The following CARS1 variants were observed in gnomAD, a reference collection of about 807,000 sequenced individuals.
CARS1 encodes the protein cysteinyl-tRNA synthetase 1.
In CARS1, 48 loss-of-function variants were observed where a neutral mutation model predicts 106.2. The ratio of observed to expected loss-of-function variants is 0.45; its 90% CI spans 0.36 to 0.57. CARS1 has a LOEUF of 0.57. Among genes scored for constraint, CARS1 ranks in the 20% least tolerant of loss-of-function variants. The pLI is 0.00. For missense variants in CARS1, 968 were observed against 1,057.2 expected, an observed-to-expected ratio of 0.92 and a Z score of 1.17; for synonymous variants, 409 against 403.4, an observed-to-expected ratio of 1.01 and a Z score of -0.17.
Position 3,022,983 on chromosome 11 carries a change from GT to G in CARS1, c.1154-2652del, listed in dbSNP as rs1851716512. Among the ~76,000 whole-genome samples, 2 of 152,216 alleles carry G rather than the reference GT, an allele frequency of 1.3e-5. No individual in the cohort carries two copies. Among genetic ancestry groups the G allele is most frequent in the African/African-American group, 4.8e-5 (2 of 41,450 alleles). ...ATGTGCCCACGTCTGATCACTGACT[GT>G]GGAGGGGTGGAAATCCATGTCCCTC... On this transcript the variant is annotated intron_variant, in intron 10 of 22. Transcript: ENST00000380525. This position sits in a 1 kb window ranked among gnomAD's most constrained non-coding sequence, Gnocchi z 4.9.
In CARS1 at chr11:3,004,943, T is replaced by TA. The variant is rs1211012055; in HGVS notation, c.2217+422dup. Reference sequence around the variant, plus strand: ...CAACATGGTGAAACCCCATCTCTACTAAAAAAATACAAAAATTAGCTGGGC... The same window carrying TA: ...CAACATGGTGAAACCCCATCTCTACTAAAAAAAATACAAAAATTAGCTGGGC... On this transcript the variant is annotated intron_variant, in intron 20 of 22. Coordinates refer to ENST00000380525, the MANE Select transcript of CARS1 (RefSeq NM_001014437.3). This position sits in a 1 kb window ranked among gnomAD's most constrained non-coding sequence, Gnocchi z 5.2. Among the ~76,000 whole-genome samples, 2 of 151,716 alleles carry TA rather than the reference T, an allele frequency of 1.3e-5. No individual in the cohort carries two copies. The highest frequency in any genetic ancestry group is 2.9e-5 in the Non-Finnish European group (2 of 67,894).
Position 3,029,714 on chromosome 11 carries a change from C to A in CARS1, c.802-271G>T. 1 of 480,348 alleles carries A rather than the reference C, an allele frequency of 2.1e-6. No homozygotes were observed. Among genetic ancestry groups the A allele is most frequent in the South Asian group, 3.4e-5 (1 of 29,578 alleles). The allele number at this position is 480,348 out of a possible 1,614,324, so 29.8% of individuals were successfully genotyped here. ...GCAGAGGCAAAAAGAGGTGGGAGGG[C>A]CGAGGTGGGCCTGGTGAGCATGTGC... On this transcript the variant is annotated intron_variant, in intron 7 of 22. Transcript: ENST00000380525. This position sits in a 1 kb window ranked among gnomAD's most constrained non-coding sequence, Gnocchi z 5.9.
At chr11:3,023,750 A>G (rs1276101340) in intron 10 of CARS1, among the ~76,000 whole-genome samples, 1 of 152,010 alleles carries the variant, frequency 6.6e-6, no homozygotes, top group African/African-American at 2.4e-5. Flanking sequence ...GTTCTTCTAT[A>G]TTATTTTTTG....
rs572854995 is a variant in CARS1, at chr11:3,016,896, G to A, written c.1917+210C>T. Among the ~76,000 whole-genome samples, 14 of 152,330 alleles carry A rather than the reference G, an allele frequency of 9.2e-5. No individual in the cohort carries two copies. In the East Asian group the frequency reaches 2.5e-3, roughly 27 times the overall value. ...CCACAGTGTTGGATTATAGATGTGA[G>A]CCACTGTGCTCCGCTTATGGGTGTT... is the stretch of plus-strand genomic sequence containing the variant. On this transcript the variant is annotated intron_variant, in intron 16 of 22. Transcript: ENST00000380525.
At position 3,034,387 on chromosome 11, in the gene CARS1, A is replaced by G. The variant is rs1270409458; in HGVS notation, c.801+3663T>C. Among the ~76,000 whole-genome samples the G allele has an allele frequency of 1.3e-5, 2 of 151,626 alleles. No homozygotes were observed. Among genetic ancestry groups the G allele is most frequent in the Non-Finnish European group, 2.9e-5 (2 of 67,954 alleles). On this transcript the variant is annotated intron_variant, in intron 7 of 22. Coordinates refer to ENST00000380525, the MANE Select transcript of CARS1 (RefSeq NM_001014437.3). This position sits in a 1 kb window ranked among gnomAD's most constrained non-coding sequence, Gnocchi z 6.3. ...AGACGCGCGCCACCACATTTGGCTA[A>G]TTTTTGTATTTTTAGTAGCAACGGG...
Position 3,028,539 on chromosome 11 carries a change from G to A in CARS1, c.1031+457C>T, listed in dbSNP as rs1255593192. ...CTTACTTTGGAGATTGAGACAATAC[G>A]GGCCAGGGAAGTGTATGATGGATTT... is the stretch of plus-strand genomic sequence containing the variant. On this transcript the variant is annotated intron_variant, in intron 9 of 22. Transcript: ENST00000380525. This position sits in a 1 kb window ranked among gnomAD's most constrained non-coding sequence, Gnocchi z 4.4. The A allele has an allele frequency of 4.3e-6, 1 of 232,428 alleles. No individual in the cohort carries two copies. The highest frequency in any genetic ancestry group is 8.2e-6 in the Non-Finnish European group (1 of 121,584). 14.4% of individuals were successfully genotyped at this position (232,428 alleles called of 1,614,324 possible). A position where few individuals can be genotyped will look rare whatever the true frequency, so the allele number is the denominator to read the frequency against.
In CARS1 at chr11:3,034,195, C is replaced by T. The variant is rs893182219; in HGVS notation, c.801+3855G>A. Among the ~76,000 whole-genome samples, 1 of 147,306 alleles carries T rather than the reference C, an allele frequency of 6.8e-6. No individual in the cohort carries two copies. Among genetic ancestry groups the T allele is most frequent in the Non-Finnish European group, 1.5e-5 (1 of 66,176 alleles). On this transcript the variant is annotated intron_variant, in intron 7 of 22. Transcript: ENST00000380525. This position sits in a 1 kb window ranked among gnomAD's most constrained non-coding sequence, Gnocchi z 6.3. Reference sequence around the variant, plus strand: ...TTTTCTGTTTTTTTGTTTGTTTGTTCTTTTTTTTGTTTTCTGTTTTTTGTT... The same window carrying T: ...TTTTCTGTTTTTTTGTTTGTTTGTTTTTTTTTTTGTTTTCTGTTTTTTGTT...
intron 1 of CARS1, among the ~76,000 whole-genome samples, chr11:3,055,339 G>T (rs1335769689): frequency 6.6e-6 from 1 of 152,072 alleles, no homozygotes; most frequent in Admixed American, 6.6e-5. Context: ...ATTTTTAGTA[G>T]AGACAGGGTT....
chr11:3,046,913 C>T lies in CARS1; in HGVS notation c.274+840G>A, dbSNP rs1855145222. The stretch of plus-strand genomic sequence containing the variant: ...AGGCACGTTCCACAGACACAACCAG[C>T]ACCAACAGGCTGGAGCTACGGGACA... On this transcript the variant is annotated intron_variant, in intron 2 of 22. Transcript: ENST00000380525. This position sits in a 1 kb window ranked among gnomAD's most constrained non-coding sequence, Gnocchi z 5.8. 6.6e-6 allele frequency among the ~76,000 whole-genome samples: 1 copy of T among 152,174 alleles called. No individual in the cohort carries two copies. The highest frequency in any genetic ancestry group is 2.1e-4 in the South Asian group (1 of 4,830).
At position 3,053,513 on chromosome 11, in the gene CARS1, G is replaced by A. The variant is rs151019231; in HGVS notation, c.25+3830C>T. Reference sequence around the variant, plus strand: ...CCCAAAGTGCTGGGATTACAGACGTGAGCCACCATGCCTGGCCTCCTGTAA... The same window carrying A: ...CCCAAAGTGCTGGGATTACAGACGTAAGCCACCATGCCTGGCCTCCTGTAA... On this transcript the variant is annotated intron_variant, in intron 1 of 22. Transcript: ENST00000380525. This position sits in a 1 kb window ranked among gnomAD's most constrained non-coding sequence, Gnocchi z 6.6. Among the ~76,000 whole-genome samples the A allele has an allele frequency of 8.1e-3, 1,237 of 152,222 alleles. 11 individuals carry two copies. The highest frequency in any genetic ancestry group is 0.025 in the African/African-American group (1,055 of 41,546).
chr11:3,036,855 CAG>C (rs1853704433), intron 7 of CARS1, among the ~76,000 whole-genome samples: 1 of 152,144 alleles, frequency 6.6e-6, no homozygotes, highest in Admixed American at 6.5e-5. Flanking sequence ...AGGAAGGAAG[CAG>C]AGTCTGACAT....
At chr11:3,012,745 C>T (rs531627454) in intron 17 of CARS1, among the ~76,000 whole-genome samples, 1 of 152,340 alleles carries the variant, frequency 6.6e-6, no homozygotes, top group South Asian at 2.1e-4. Context: ...TGTGGTCACA[C>T]ATACACTTGT....
chr11:3,014,439 C>T (rs1850790039), intron 17 of CARS1, among the ~76,000 whole-genome samples: 1 of 152,240 alleles, frequency 6.6e-6, no homozygotes. Context: ...AATCAGCTGA[C>T]TGCAAAGGCC....
chr11:3,009,951 C>T lies in CARS1; in HGVS notation c.2068+2244G>A, dbSNP rs147377029. On this transcript the variant is annotated intron_variant, in intron 18 of 22. Transcript: ENST00000380525. ...CACCAGAGCCACCTCTAACACGCTGCCCCGTCGGAAGGTCTGAGGCCCCTG... is the reference window on the plus strand; with the variant it reads ...CACCAGAGCCACCTCTAACACGCTGTCCCGTCGGAAGGTCTGAGGCCCCTG... Among the ~76,000 whole-genome samples the T allele has an allele frequency of 1.8e-3, 272 of 152,310 alleles. 2 individuals are homozygous for T. Among genetic ancestry groups the T allele is most frequent in the African/African-American group, 6.2e-3 (259 of 41,570 alleles).
In CARS1 at chr11:3,046,138, T is replaced by C. The variant is rs1855051097; in HGVS notation, c.274+1615A>G. On this transcript the variant is annotated intron_variant, in intron 2 of 22. Transcript: ENST00000380525. The surrounding 1 kb of genome is among the most constrained non-coding windows in gnomAD (Gnocchi z 5.8). ...TTAGTGCTATCCATGGTCCATTCTGTTACACAGCAACGTGGCTCTGCTTCC... is the reference window on the plus strand; with the variant it reads ...TTAGTGCTATCCATGGTCCATTCTGCTACACAGCAACGTGGCTCTGCTTCC... Among the ~76,000 whole-genome samples the C allele has an allele frequency of 6.6e-6, 1 of 152,220 alleles. No homozygotes were observed. Among genetic ancestry groups the C allele is most frequent in the East Asian group, 1.9e-4 (1 of 5,192 alleles).
rs950011045 is a variant in CARS1 at position 3,028,004 on chromosome 11, G to A, written c.1031+992C>T. 4.8e-5 allele frequency: 18 copies of A among 374,888 alleles called. No homozygotes were observed. Among genetic ancestry groups the A allele is most frequent in the African/African-American group, 3.7e-4 (18 of 48,180 alleles). The allele number at this position is 374,888 out of a possible 1,614,324, so 23.2% of individuals were successfully genotyped here. Reference sequence around the variant, plus strand: ...CGTCTCCCTGTGATGCTGTGCTTCAGCGGTCACGCTCCTAGTCCTCCTTCA... The same window carrying A: ...CGTCTCCCTGTGATGCTGTGCTTCAACGGTCACGCTCCTAGTCCTCCTTCA... On this transcript the variant is annotated intron_variant, in intron 9 of 22. Coordinates refer to ENST00000380525, the MANE Select transcript of CARS1 (RefSeq NM_001014437.3). This position sits in a 1 kb window ranked among gnomAD's most constrained non-coding sequence, Gnocchi z 4.4.
intron 7 of CARS1, among the ~76,000 whole-genome samples, chr11:3,036,781 C>A (rs114485926): frequency 2.6e-5 from 4 of 152,102 alleles, no homozygotes; most frequent in Non-Finnish European, 4.4e-5. Flanking sequence ...CACGTGTCCA[C>A]GGGCAGGTGA....
chr11:3,017,035 C>T lies in CARS1; in HGVS notation c.1917+71G>A. On this transcript the variant is annotated intron_variant, in intron 16 of 22. Coordinates refer to ENST00000380525, the MANE Select transcript of CARS1 (RefSeq NM_001014437.3). The surrounding 1 kb of genome is among the most constrained non-coding windows in gnomAD (Gnocchi z 4.9). Reference sequence around the variant, plus strand: ...CTGGGGGGCACCAGAGGCCTCTGTTCTCCCAGTCCTGGGGCCTGGCTCCTG... The same window carrying T: ...CTGGGGGGCACCAGAGGCCTCTGTTTTCCCAGTCCTGGGGCCTGGCTCCTG... 2.2e-6 allele frequency: 3 copies of T among 1,379,660 alleles called. No individual in the cohort carries two copies. The highest frequency in any genetic ancestry group is 3.0e-6 in the Non-Finnish European group (3 of 1,004,582). 85.5% of individuals were successfully genotyped at this position (1,379,660 alleles called of 1,614,324 possible). A position where few individuals can be genotyped will look rare whatever the true frequency, so the allele number is the denominator to read the frequency against.
chr11:3,042,118 T>C, intron 3 of CARS1, 47 bp downstream of exon 3: 2 of 1,436,504 alleles, frequency 1.4e-6, no homozygotes, highest in South Asian at 2.3e-5. Flanking sequence ...TCCTGCCTCC[T>C]GCCTCCCCAT....
Sources: allele counts gnomAD v4.1 joint callset (sites outside exome capture counted in the v4.1 genomes callset), GRCh38; gene constraint gnomAD v4.1.1; non-coding constraint Gnocchi (gnomAD v3.1); transcripts MANE v1.5; gene names NCBI Gene and HGNC (gene_info 2026-07-23, HGNC 2026-07-21).